Variants in HSP90B1 observed in about 807,000 individuals in gnomAD.
The protein encoded by HSP90B1 is heat shock protein 90 beta family member 1.
Under a neutral mutation model 100.4 loss-of-function variants are expected in HSP90B1, and 27 were observed. The ratio of observed to expected loss-of-function variants is 0.27; its 90% CI spans 0.20 to 0.37. HSP90B1 has a LOEUF of 0.37. HSP90B1 is among the 10% of genes least tolerant of loss of function. The pLI is 1.00. For missense variants in HSP90B1, 678 were observed against 960.5 expected (o/e 0.71, Z 3.89); for synonymous variants, 304 against 330.8 (o/e 0.92, Z 0.88).
chr12:103,947,559 T>C (rs954926908), intron 17 of HSP90B1, 74 bp from the exon 18 acceptor site: 3 of 1,563,400 alleles, frequency 1.9e-6, no homozygotes, highest in African/African-American at 1.4e-5. Context: ...GTTTATTTCA[T>C]GCACAAACCT....
chr12:103,938,976 A>G (rs1218719227), intron 7 of HSP90B1, among the ~76,000 whole-genome samples: 1 of 152,212 alleles, frequency 6.6e-6, no homozygotes, highest in East Asian at 1.9e-4. Flanking sequence ...AACAATGAAG[A>G]AAAACTTAAG....
At position 103,930,430 on chromosome 12, in the gene HSP90B1, G is replaced by C. The variant is rs1324862894; in HGVS notation, c.-86G>C. 7.9e-7 allele frequency: 1 copy of C among 1,267,862 alleles called. No homozygotes were observed. Among genetic ancestry groups the C allele is most frequent in the South Asian group, 1.4e-5 (1 of 69,030 alleles). 78.5% of individuals were successfully genotyped at this position (1,267,862 alleles called of 1,614,324 possible). A position where few individuals can be genotyped will look rare whatever the true frequency, so the allele number is the denominator to read the frequency against. On this transcript the variant is annotated 5_prime_UTR_variant, in exon 1 of 18. Coordinates refer to ENST00000299767, the MANE Select transcript of HSP90B1 (RefSeq NM_003299.3). This position sits in a 1 kb window ranked among gnomAD's most constrained non-coding sequence, Gnocchi z 4.4. ...GGTGTAGTGGGCGGACCGCGCGGCT[G>C]GAGGTGTGAGGATCCGAACCCAGGG...
intron 17 of HSP90B1, 46 bp from the exon 18 acceptor site, chr12:103,947,587 T>TATTTATTTAA (rs1441431294): frequency 6.4e-7 from 1 of 1,554,196 alleles, no homozygotes; most frequent in East Asian, 2.2e-5. Flanking sequence ...AGGTTTTTTT[T>TATTTATTTAA]CTGCTAACTT....
intron 14 of HSP90B1, among the ~76,000 whole-genome samples, chr12:103,944,684 G>A (rs1401086549): frequency 3.9e-5 from 6 of 151,974 alleles, no homozygotes; most frequent in Non-Finnish European, 5.9e-5. Flanking sequence ...AGCCTCCTGA[G>A]TAGCTGGGAT....
chr12:103,945,049 A>G (rs1199862424), intron 14 of HSP90B1, among the ~76,000 whole-genome samples: 1 of 152,242 alleles, frequency 6.6e-6, no homozygotes, highest in Non-Finnish European at 1.5e-5. Context: ...ATTAATAGGA[A>G]GTTACCTTGC....
At position 103,930,685 on chromosome 12, in the gene HSP90B1, A is replaced by G; in HGVS notation, c.49+121A>G. On this transcript the variant is annotated intron_variant, in intron 1 of 17. Coordinates refer to ENST00000299767, the MANE Select transcript of HSP90B1 (RefSeq NM_003299.3). This position sits in a 1 kb window ranked among gnomAD's most constrained non-coding sequence, Gnocchi z 4.4. Reference sequence around the variant, plus strand: ...GGCCTGCGGTGGGCCAAGGGACGTCACCATTCCTCGAAAGAGGGCAAGGGA... The same window carrying G: ...GGCCTGCGGTGGGCCAAGGGACGTCGCCATTCCTCGAAAGAGGGCAAGGGA... 1.2e-6 allele frequency: 1 copy of G among 822,918 alleles called. No homozygotes were observed. The highest frequency in any genetic ancestry group is 1.9e-6 in the Non-Finnish European group (1 of 526,408). 51.0% of individuals were successfully genotyped at this position (822,918 alleles called of 1,614,324 possible). A position where few individuals can be genotyped will look rare whatever the true frequency, so the allele number is the denominator to read the frequency against.
At position 103,939,669 on chromosome 12, in the gene HSP90B1, A is replaced by C. The variant is rs748520208; in HGVS notation, c.1092+44A>C. The C allele has an allele frequency of 1.1e-4, 96 of 836,440 alleles. 8 individuals carry two copies. In the Middle Eastern group the frequency reaches 0.014, roughly 126 times the overall value. The allele number at this position is 836,440 out of a possible 1,614,324, so 51.8% of individuals were successfully genotyped here. On this transcript the variant is annotated intron_variant, in intron 8 of 17. Transcript: ENST00000299767. ...CTAGTTTCTGGTTATTAATGAATAG[A>C]CAAAATATCACCCTCTTAGTTTAAT... is the stretch of plus-strand genomic sequence containing the variant.
At chr12:103,944,731 T>G (rs991329966) in intron 14 of HSP90B1, among the ~76,000 whole-genome samples, 4 of 152,168 alleles carry the variant, frequency 2.6e-5, no homozygotes, top group Non-Finnish European at 4.4e-5. Flanking sequence ...AATTTTTGTA[T>G]TTTTAGTAGA....
In HSP90B1 at chr12:103,931,539, A is replaced by G. The variant is rs775421580; in HGVS notation, c.68A>G (p.Asp23Gly). Residue 23 changes from aspartate to glycine, a missense_variant, in exon 2 of 18, where the codon GAT becomes GGT. Physicochemically the swap from Asp to Gly is moderately conservative, Grantham distance 94. Around this residue, in one of 8 missense-constraint regions of HSP90B1, gnomAD observed 88 missense variants for 88.2 expected, o/e 1.00. Coordinates refer to ENST00000299767, the MANE Select transcript of HSP90B1 (RefSeq NM_003299.3). ...TCTTCAGGGTCGGTCAGAGCTGACG[A>G]TGAAGTTGATGTGGATGGTACAGTA... is the stretch of plus-strand genomic sequence containing the variant. ...LLTFGSVRAD[D>G]EVDVDGTVEE... is the part of the protein sequence containing the mutation. 3.1e-6 allele frequency: 5 copies of G among 1,613,626 alleles called. No individual in the cohort carries two copies. The South Asian group carries it at 5.5e-5, about 18-fold the overall frequency.
Position 103,933,951 on chromosome 12 carries a change from T to C in HSP90B1, c.412-5T>C. 1.9e-6 allele frequency: 3 copies of C among 1,606,108 alleles called. No individual in the cohort carries two copies. The highest frequency in any genetic ancestry group is 2.6e-6 in the Non-Finnish European group (3 of 1,173,628). On this transcript the variant is annotated splice_region_variant and splice_polypyrimidine_tract_variant and intron_variant, in intron 4 of 17. Transcript: ENST00000299767. ...ACAACTATCTGGTTCTTGTCTTGCA[T>C]TTAGTGTGATAAGGAGAAGAACCTG...
rs560306771 is a variant in HSP90B1 at position 103,930,540 on chromosome 12, C to T, written c.25C>T (p.Leu9Phe). MRALWVLG[L>F]CCVLLTFGSV... ...CATGAGGGCCCTGTGGGTGCTGGGC[C>T]TCTGCTGCGTCCTGCTGACCTTCGG... Residue 9 changes from leucine (L) to phenylalanine (F), a missense_variant, in exon 1 of 18, where the codon CTC becomes TTC. Physicochemically the swap from Leu to Phe is conservative, Grantham distance 22. Transcript: ENST00000299767. The surrounding 1 kb of genome is among the most constrained non-coding windows in gnomAD (Gnocchi z 4.4). 1.9e-6 allele frequency: 3 copies of T among 1,611,202 alleles called. No homozygotes were observed. The highest frequency in any genetic ancestry group is 4.5e-5 in the East Asian group (2 of 44,524).
chr12:103,941,805 C>T, intron 10 of HSP90B1, 27 bp from the exon 11 acceptor site: 1 of 1,609,850 alleles, frequency 6.2e-7, no homozygotes, highest in Non-Finnish European at 8.5e-7. Context: ...TTTTATTGCT[C>T]ACTGAACTTT....
At chr12:103,932,241 C>T (rs748429937) in intron 2 of HSP90B1, 36 bp from the exon 3 acceptor site, 4 of 1,572,026 alleles carry the variant, frequency 2.5e-6, no homozygotes, top group East Asian at 2.3e-5. Flanking sequence ...GGGAACTATG[C>T]CATGCAATAT....
Position 103,934,183 on chromosome 12 carries a change from A to C in HSP90B1, c.639A>C (p.Ser213=). The part of the protein sequence containing the change: ...FLVADKVIVT[S]KHNNDTQHIW... ...TAGCAGATAAGGTTATTGTCACTTC[A>C]AAACACAACAACGATACCCAGCACA... The change falls in exon 5 of 18, where the codon TCA becomes TCC. Residue 213 remains serine (S), a synonymous_variant. Transcript: ENST00000299767. 1 of 1,614,230 alleles carries C rather than the reference A, an allele frequency of 6.2e-7. No individual in the cohort carries two copies. Among genetic ancestry groups the C allele is most frequent in the Non-Finnish European group, 8.5e-7 (1 of 1,180,040 alleles).
At chr12:103,945,236 C>T (rs2583262) in intron 14 of HSP90B1, among the ~76,000 whole-genome samples, 62,277 of 151,868 alleles carry the variant, frequency 0.41, 14,023 homozygotes, top group African/African-American at 0.59. Flanking sequence ...TCCAAGAGTT[C>T]GAGGCTGTAG....
Position 103,930,418 on chromosome 12 carries a change from G to A in HSP90B1, c.-98G>A, listed in dbSNP as rs750518541. The stretch of plus-strand genomic sequence containing the variant: ...CGACCTGCTTGCGGTGTAGTGGGCG[G>A]ACCGCGCGGCTGGAGGTGTGAGGAT... On this transcript the variant is annotated 5_prime_UTR_variant, in exon 1 of 18. Transcript: ENST00000299767. This position sits in a 1 kb window ranked among gnomAD's most constrained non-coding sequence, Gnocchi z 4.4. The A allele has an allele frequency of 6.1e-6, 7 of 1,138,516 alleles. No individual in the cohort carries two copies. Among genetic ancestry groups the A allele is most frequent in the Non-Finnish European group, 8.6e-6 (7 of 814,754 alleles). The allele number at this position is 1,138,516 out of a possible 1,614,324, so 70.5% of individuals were successfully genotyped here. A position where few individuals can be genotyped will look rare whatever the true frequency, so the allele number is the denominator to read the frequency against.
Position 103,943,574 on chromosome 12 carries a change from G to T in HSP90B1, c.1891-164G>T. ...CTGACTAGAAAATTCAGATTATCAA[G>T]TAAGTGCCCCTACAAATTCTCCTAA... On this transcript the variant is annotated intron_variant, in intron 13 of 17. Coordinates refer to ENST00000299767, the MANE Select transcript of HSP90B1 (RefSeq NM_003299.3). This position sits in a 1 kb window ranked among gnomAD's most constrained non-coding sequence, Gnocchi z 5.3. 1.4e-6 allele frequency: 1 copy of T among 732,934 alleles called. No individual in the cohort carries two copies. Among genetic ancestry groups the T allele is most frequent in the Non-Finnish European group, 2.1e-6 (1 of 466,600 alleles). The allele number at this position is 732,934 out of a possible 1,614,324, so 45.4% of individuals were successfully genotyped here.
Position 103,930,595 on chromosome 12 carries a change from C to T in HSP90B1, c.49+31C>T, listed in dbSNP as rs369491071. On this transcript the variant is annotated intron_variant, in intron 1 of 17. Coordinates refer to ENST00000299767, the MANE Select transcript of HSP90B1 (RefSeq NM_003299.3). This position sits in a 1 kb window ranked among gnomAD's most constrained non-coding sequence, Gnocchi z 4.4. ...TGATTCTGGAGGAGCAGACGTCCCC[C>T]CTCCACACACGCGGCCGCTTCTCGA... The T allele has an allele frequency of 7.4e-4, 1,174 of 1,592,322 alleles. 2 individuals are homozygous for T. Among genetic ancestry groups the T allele is most frequent in the Admixed American group, 2.2e-3 (127 of 57,174 alleles).
chr12:103,934,354 T>G, intron 5 of HSP90B1, 67 bp downstream of exon 5: 1 of 1,249,174 alleles, frequency 8.0e-7, no homozygotes, highest in East Asian at 2.4e-5. Context: ...CCAGTTCTAT[T>G]CTCTGAGCAA....
Sources: gnomAD v4.1 joint callset for allele counts (sites outside exome capture counted in the v4.1 genomes callset) on GRCh38, gnomAD v4.1.1 for gene constraint, gnomAD v4.1.1 regional missense constraint, Gnocchi (gnomAD v3.1) non-coding constraint, MANE v1.5 for transcripts, NCBI Gene and HGNC (gene_info 2026-07-23, HGNC 2026-07-21) for gene names.